GALNT14: variants seen among roughly 807,000 people sequenced by gnomAD.
The protein encoded by GALNT14 is polypeptide N-acetylgalactosaminyltransferase 14.
Under a neutral mutation model 77.5 loss-of-function variants are expected in GALNT14, and 60 were observed. That is an observed-to-expected ratio of 0.77 (90% CI 0.63 to 0.96). The LOEUF (loss-of-function observed/expected upper bound fraction) is 0.96, where lower values mean the gene tolerates loss of function less well. Ranked by LOEUF, GALNT14 falls within the 40% of genes least tolerant of loss-of-function variation. GALNT14 has a pLI of 0.00. For missense variants in GALNT14, 710 were observed against 731.0 expected (o/e 0.97, Z 0.33); for synonymous variants, 280 against 281.7 (o/e 0.99, Z 0.06).
chr2:30,916,960 C>T (rs1471491485), intron 13 of GALNT14, among the ~76,000 whole-genome samples: 5 of 151,348 alleles, frequency 3.3e-5, no homozygotes, highest in Admixed American at 2.0e-4. Flanking sequence ...GCCTGTAATC[C>T]CAGCTACTCA....
chr2:31,090,481 CTTTTTTTTTTTTTT>C (rs70962302), intron 1 of GALNT14, among the ~76,000 whole-genome samples: 8,406 of 93,474 alleles, frequency 0.09, 324 homozygotes, highest in South Asian at 0.16. Context: ...GTCCCTTCAT[CTTTTTTTTTTTTTT>C]TTTTTTTTTT....
downstream of GALNT14, among the ~76,000 whole-genome samples, chr2:30,909,378 C>T (rs1664242284): frequency 6.6e-6 from 1 of 151,954 alleles, no homozygotes; most frequent in Non-Finnish European, 1.5e-5. Context: ...AAACAAACAA[C>T]CCCATCAAAA....
intron 1 of GALNT14, among the ~76,000 whole-genome samples, chr2:30,995,688 C>T (rs575512844): frequency 3.9e-4 from 59 of 152,182 alleles, no homozygotes; most frequent in Middle Eastern, 6.8e-3. Flanking sequence ...TTTGTGGAGA[C>T]GGGATCTCAC....
intron 2 of GALNT14, among the ~76,000 whole-genome samples, chr2:30,979,827 C>T (rs955785696): frequency 3.9e-5 from 6 of 152,088 alleles, no homozygotes; most frequent in Non-Finnish European, 8.8e-5. Flanking sequence ...TCAGAGGTCT[C>T]CCTCCCACAG....
intron 1 of GALNT14, among the ~76,000 whole-genome samples, chr2:31,009,898 C>T (rs1181750904): frequency 6.6e-6 from 1 of 152,218 alleles, no homozygotes; most frequent in Non-Finnish European, 1.5e-5. Context: ...CTCCTTTTCC[C>T]ATCTCTACAA....
chr2:31,008,089 T>C (rs1280017677), intron 1 of GALNT14, among the ~76,000 whole-genome samples: 1 of 151,944 alleles, frequency 6.6e-6, no homozygotes, highest in Non-Finnish European at 1.5e-5. Flanking sequence ...GATCTATTTA[T>C]TCATTTATAT....
chr2:30,932,222 A>G (rs1665781032), intron 9 of GALNT14, 28 bp from the exon 10 acceptor site: 3 of 1,410,680 alleles, frequency 2.1e-6, no homozygotes, highest in East Asian at 2.7e-5. Context: ...CCCTCCTATG[A>G]CCTCTTATCA....
intron 3 of GALNT14, among the ~76,000 whole-genome samples, chr2:30,963,729 AG>A (rs1667829050): frequency 6.6e-6 from 1 of 152,216 alleles, no homozygotes; most frequent in Non-Finnish European, 1.5e-5. Context: ...TCACACAGCT[AG>A]GAAGTGGTAG....
At chr2:30,889,148 A>G in the GALNT14 span, among the ~76,000 whole-genome samples, 1 of 152,288 alleles carries the variant, frequency 6.6e-6, no homozygotes, top group Middle Eastern at 3.4e-3. Context: ...CGGATTTATT[A>G]TCTGTCTAGA....
At chr2:31,086,182 C>A (rs1032445676) in intron 1 of GALNT14, among the ~76,000 whole-genome samples, 1 of 152,210 alleles carries the variant, frequency 6.6e-6, no homozygotes, top group Non-Finnish European at 1.5e-5. Context: ...CCTAGGACCT[C>A]TGGACTTGGG....
chr2:30,941,179 C>T (rs537033838), intron 9 of GALNT14, among the ~76,000 whole-genome samples: 3 of 152,214 alleles, frequency 2.0e-5, no homozygotes, highest in Non-Finnish European at 4.4e-5. Flanking sequence ...ACATGTGCCA[C>T]GGTACCCAGA....
chr2:30,967,508 G>T (rs1465334366), intron 2 of GALNT14, among the ~76,000 whole-genome samples: 1 of 152,190 alleles, frequency 6.6e-6, no homozygotes. Flanking sequence ...AGCATGGGCT[G>T]GGCGTGGGTC....
At chr2:31,035,604 C>T (rs1408454548) in intron 1 of GALNT14, among the ~76,000 whole-genome samples, 857 of 54,902 alleles carry the variant, frequency 0.016, 19 homozygotes, top group African/African-American at 0.063. Flanking sequence ...TACATATACA[C>T]ACACACACAC....
chr2:31,101,500 C>G (rs1677273882), intron 1 of GALNT14, among the ~76,000 whole-genome samples: 1 of 151,794 alleles, frequency 6.6e-6, no homozygotes, highest in Admixed American at 6.6e-5. Context: ...AAAAAAATTT[C>G]TGCCTTAGAA....
intron 1 of GALNT14, among the ~76,000 whole-genome samples, chr2:31,029,784 G>C (rs1378085460): frequency 6.6e-6 from 1 of 152,174 alleles, no homozygotes; most frequent in Non-Finnish European, 1.5e-5. Context: ...AAACTGTTTA[G>C]AGAGAAAAGC....
intron 1 of GALNT14, among the ~76,000 whole-genome samples, chr2:31,075,325 T>C (rs1348300314): frequency 6.6e-6 from 1 of 152,216 alleles, no homozygotes; most frequent in Admixed American, 6.5e-5. Flanking sequence ...AAGTGCCCAG[T>C]CTCAGGTATT....
chr2:31,023,897 C>T lies in GALNT14; in HGVS notation c.130-30890G>A, dbSNP rs138372205. On this transcript the variant is annotated intron_variant, in intron 1 of 14. Transcript: ENST00000349752. Reference sequence around the variant, plus strand: ...CATTTAGTCCCAAGGATTTAGACTCCGAGGTGACTCCCAAATTTATATCTT... The same window carrying T: ...CATTTAGTCCCAAGGATTTAGACTCTGAGGTGACTCCCAAATTTATATCTT... Among the ~76,000 whole-genome samples the T allele has an allele frequency of 7.9e-4, 121 of 152,224 alleles. 1 individual carries two copies. Among genetic ancestry groups the T allele is most frequent in the Admixed American group, 6.5e-3 (99 of 15,300 alleles).
chr2:31,134,352 G>A (rs1037287153), intron 1 of GALNT14, among the ~76,000 whole-genome samples: 2 of 152,206 alleles, frequency 1.3e-5, no homozygotes, highest in Non-Finnish European at 2.9e-5. Context: ...GGCCTGAGCA[G>A]GAAGAAAACC....
chr2:31,076,815 C>G (rs571909281), intron 1 of GALNT14, among the ~76,000 whole-genome samples: 1 of 152,188 alleles, frequency 6.6e-6, no homozygotes, highest in East Asian at 1.9e-4. Context: ...AAGAAAGGCA[C>G]TGCTCTTGGA....
Sources: allele counts gnomAD v4.1 joint callset (sites outside exome capture counted in the v4.1 genomes callset), GRCh38; gene constraint gnomAD v4.1.1; transcripts MANE v1.5; gene names NCBI Gene and HGNC (gene_info 2026-07-23, HGNC 2026-07-21).